ZNF263: variants seen among roughly 807,000 people sequenced by gnomAD.
ZNF263 encodes the protein zinc finger protein FPM315.
ZNF263 carries 49 observed loss-of-function variants against 63.1 expected under a neutral mutation model. The observed-to-expected ratio is 0.78, with a 90% confidence interval of 0.62 to 0.99. The LOEUF (loss-of-function observed/expected upper bound fraction) is 0.99. Among genes scored for constraint, ZNF263 ranks in the 50% least tolerant of loss-of-function variants. The probability of loss-of-function intolerance (pLI) is 0.00; values close to 1 mark genes in which losing one functional copy is unlikely to be tolerated. For missense variants in ZNF263, 872 were observed against 854.8 expected, an observed-to-expected ratio of 1.02 and a Z score of -0.25; for synonymous variants, 352 against 324.2, an observed-to-expected ratio of 1.09 and a Z score of -0.92.
In ZNF263 at chr16:3,290,778, CAG is replaced by C; in HGVS notation, c.*221_*222del. The C allele has an allele frequency of 3.0e-6, 4 of 1,353,304 alleles. No individual in the cohort carries two copies. Among genetic ancestry groups the C allele is most frequent in the African/African-American group, 1.5e-5 (1 of 68,548 alleles). 83.8% of individuals were successfully genotyped at this position (1,353,304 alleles called of 1,614,324 possible). On this transcript the variant is annotated 3_prime_UTR_variant, in exon 6 of 6. Coordinates refer to ENST00000219069, the MANE Select transcript of ZNF263 (RefSeq NM_005741.5). ...GGATGGCAAGTCTCTGAGGTGACCT[CAG>C]GGTGGAATTCTCTGTTAAGTCCACC...
downstream of ZNF263, among the ~76,000 whole-genome samples, chr16:3,294,050 C>A (rs1149486): frequency 0.025 from 3,817 of 152,254 alleles, 172 homozygotes; most frequent in African/African-American, 0.087. Flanking sequence ...CTCTGCCTCC[C>A]GAGTAGCTGG....
At chr16:3,298,423 T>C (rs1365455901) in intron 1 of ZNF263, among the ~76,000 whole-genome samples, 5 of 152,250 alleles carry the variant, frequency 3.3e-5, no homozygotes, top group Non-Finnish European at 7.3e-5. Flanking sequence ...TTATTTACAA[T>C]GTAATCTGCC....
intron 4 of ZNF263, among the ~76,000 whole-genome samples, chr16:3,287,656 G>A (rs573630852): frequency 1.3e-5 from 2 of 152,050 alleles, no homozygotes; most frequent in African/African-American, 4.8e-5. Flanking sequence ...TTTGCTGGAG[G>A]TGGAGGTTTT....
At position 3,288,065 on chromosome 16, in the gene ZNF263, A is replaced by C. The variant is rs1959446421; in HGVS notation, c.770-389A>C. Among the ~76,000 whole-genome samples the C allele has an allele frequency of 2.0e-5, 3 of 152,162 alleles. No individual in the cohort carries two copies. The South Asian group carries it at 6.2e-4, about 32-fold the overall frequency. On this transcript the variant is annotated intron_variant, in intron 4 of 5. Transcript: ENST00000219069. ...TCAGGAGTTCGAGACCAGCCTGGCC[A>C]ACATGGTGAAACTCCATCTCTACTA...
rs1163211225 is a variant in ZNF263, at chr16:3,284,082, G to C, written c.264G>C (p.Gln88His). Residue 88 changes from glutamine (Q) to histidine (H), a missense_variant, in exon 1 of 6, where the codon CAG (glutamine) becomes CAC (histidine). Physicochemically the swap from Gln to His is conservative, Grantham distance 24 (BLOSUM62 0). Coordinates refer to ENST00000219069, the MANE Select transcript of ZNF263 (RefSeq NM_005741.5). ...TCTTGGAGCTGCTGGTGTTAGAGCA[G>C]TTCCTGACCATCCTGCCCCAGGAGA... ...EQILELLVLE[Q>H]FLTILPQEIQ... The C allele has an allele frequency of 6.2e-7, 1 of 1,613,484 alleles. No homozygotes were observed. Among genetic ancestry groups the C allele is most frequent in the Non-Finnish European group, 8.5e-7 (1 of 1,179,724 alleles).
Position 3,285,050 on chromosome 16 carries a change from G to A in ZNF263, c.388-9G>A, listed in dbSNP as rs1959291699. 6.2e-7 allele frequency: 1 copy of A among 1,613,714 alleles called. No individual in the cohort carries two copies. Among genetic ancestry groups the A allele is most frequent in the Non-Finnish European group, 8.5e-7 (1 of 1,179,814 alleles). On this transcript the variant is annotated splice_polypyrimidine_tract_variant and intron_variant, in intron 1 of 5. Coordinates refer to ENST00000219069, the MANE Select transcript of ZNF263 (RefSeq NM_005741.5). The stretch of plus-strand genomic sequence containing the variant: ...GTTGTGATGATGAGTGATGTGGGTT[G>A]GTTCCCAGGTCACAAACCATGGGCG...
At chr16:3,292,064 G>C (rs542119732), downstream of ZNF263, among the ~76,000 whole-genome samples, 1 of 152,266 alleles carries the variant, frequency 6.6e-6, no homozygotes, top group Non-Finnish European at 1.5e-5. Flanking sequence ...TTGCATTTTA[G>C]AATGGCATAT....
At chr16:3,300,941 G>C (rs922238430) in exon 3 of ZNF263, 5 of 233,614 alleles carry the variant, frequency 2.1e-5, no homozygotes, top group African/African-American at 6.9e-5. Context: ...GGAATGACAG[G>C]AATACCTGCA....
At chr16:3,296,591 G>T (rs765340505) in intron 1 of ZNF263, among the ~76,000 whole-genome samples, 7 of 152,212 alleles carry the variant, frequency 4.6e-5, no homozygotes, top group Admixed American at 6.5e-5. Context: ...ACTGAATAAG[G>T]CAAGAAAGCA....
chr16:3,286,301 A>G (rs982962675), intron 4 of ZNF263, 152 bp downstream of exon 4: 27 of 1,157,486 alleles, frequency 2.3e-5, no homozygotes, highest in Non-Finnish European at 4.7e-6. Context: ...TACGAGAGTC[A>G]TGTATCTGCC....
intron 2 of ZNF263, chr16:3,300,445 A>G (rs888706674): frequency 2.5e-6 from 4 of 1,614,058 alleles, no homozygotes; most frequent in African/African-American, 1.3e-5. Context: ...GTCCTGCTTC[A>G]GTACAAAGTC....
intron 1 of ZNF263, among the ~76,000 whole-genome samples, chr16:3,298,367 T>C (rs1195493752): frequency 6.6e-6 from 1 of 152,238 alleles, no homozygotes; most frequent in Non-Finnish European, 1.5e-5. Context: ...TGCTAACGTA[T>C]TAGTAACAAA....
intron 2 of ZNF263, chr16:3,300,048 T>C (rs745958959): frequency 3.1e-6 from 5 of 1,614,210 alleles, no homozygotes; most frequent in South Asian, 1.1e-5. Flanking sequence ...CCTGAGAATT[T>C]TCTGGCATTG....
At chr16:3,296,013 CAG>C (rs2150776989), downstream of ZNF263, among the ~76,000 whole-genome samples, 1 of 152,200 alleles carries the variant, frequency 6.6e-6, no homozygotes, top group East Asian at 1.9e-4. Context: ...GTGCCCACCG[CAG>C]AGACTGAGCC....
At chr16:3,293,783 C>G (rs1396066793), downstream of ZNF263, among the ~76,000 whole-genome samples, 1 of 152,228 alleles carries the variant, frequency 6.6e-6, no homozygotes, top group Non-Finnish European at 1.5e-5. Context: ...AGGTGGGACA[C>G]AGACTGGAAG....
rs1959236917 is a variant in ZNF263, at chr16:3,283,787, G to A, written c.-32G>A. 6.6e-7 allele frequency: 1 copy of A among 1,510,222 alleles called. No homozygotes were observed. The highest frequency in any genetic ancestry group is 1.4e-5 in the African/African-American group (1 of 71,988). The allele number at this position is 1,510,222 out of a possible 1,614,324, so 93.6% of individuals were successfully genotyped here. A position where few individuals can be genotyped will look rare whatever the true frequency, so the allele number is the denominator to read the frequency against. On this transcript the variant is annotated 5_prime_UTR_variant, in exon 1 of 6. Coordinates refer to ENST00000219069, the MANE Select transcript of ZNF263 (RefSeq NM_005741.5). The stretch of plus-strand genomic sequence containing the variant: ...GCGCCTTCGTAGGCGGGCACGGCTG[G>A]TTTCGGGCTAAGGCGCTCTGGAGAC...
At chr16:3,299,234 C>T (rs1959859024) in intron 2 of ZNF263, 2 of 1,610,504 alleles carry the variant, frequency 1.2e-6, no homozygotes, top group Admixed American at 1.7e-5. Context: ...TTTTGAACAA[C>T]TTCCTTTGTT....
chr16:3,299,306 C>A (rs751363816), intron 2 of ZNF263: 3 of 1,608,380 alleles, frequency 1.9e-6, no homozygotes, highest in Admixed American at 3.4e-5. Context: ...CACACCCTAT[C>A]ATCATCCAAC....
downstream of ZNF263, among the ~76,000 whole-genome samples, chr16:3,293,755 C>T (rs982061166): frequency 2.6e-5 from 4 of 152,220 alleles, no homozygotes; most frequent in Non-Finnish European, 4.4e-5. Flanking sequence ...GGCTGGGGAG[C>T]AATGACAACA....
Sources: allele counts gnomAD v4.1 joint callset (sites outside exome capture counted in the v4.1 genomes callset), GRCh38; gene constraint gnomAD v4.1.1; transcripts MANE v1.5; gene names NCBI Gene and HGNC (gene_info 2026-07-23, HGNC 2026-07-21).